Variants in CACNA2D3 observed in about 807,000 individuals in gnomAD.
CACNA2D3 encodes the protein calcium voltage-gated channel auxiliary subunit alpha2delta 3.
A neutral mutation model predicts 160.6 loss-of-function variants in CACNA2D3; 60 were observed. The observed-to-expected ratio is 0.37, with a 90% CI of 0.30 to 0.46. The LOEUF (loss-of-function observed/expected upper bound fraction) is 0.46, where lower values mean the gene tolerates loss of function less well. CACNA2D3 is among the 20% of genes least tolerant of loss of function. CACNA2D3 has a pLI of 1.00. For missense variants in CACNA2D3, 1,205 were observed against 1,365.0 expected, an observed-to-expected ratio of 0.88 and a Z score of 1.85; for synonymous variants, 558 against 492.9, an observed-to-expected ratio of 1.13 and a Z score of -1.75.
chr3:55,057,116 G>A (rs185473607), intron 35 of CACNA2D3, among the ~76,000 whole-genome samples: 5 of 152,212 alleles, frequency 3.3e-5, no homozygotes, highest in Non-Finnish European at 7.4e-5. Flanking sequence ...TCTTTCCTGT[G>A]CCGCTCTCGT....
At chr3:54,659,696 A>C (rs138011677) in intron 11 of CACNA2D3, among the ~76,000 whole-genome samples, 1 of 152,330 alleles carries the variant, frequency 6.6e-6, no homozygotes, top group African/African-American at 2.4e-5. Context: ...TTGGACAGGA[A>C]AGGCTTTCAG....
intron 2 of CACNA2D3, among the ~76,000 whole-genome samples, chr3:54,246,549 C>T (rs984971929): frequency 1.5e-4 from 23 of 151,206 alleles, no homozygotes; most frequent in East Asian, 5.9e-4. Context: ...AAAAATTAGC[C>T]GGGCGTGGTT....
chr3:54,389,909 A>G (rs1163553663), intron 4 of CACNA2D3, among the ~76,000 whole-genome samples: 1 of 152,242 alleles, frequency 6.6e-6, no homozygotes, highest in Non-Finnish European at 1.5e-5. Flanking sequence ...ACAATGCTGT[A>G]TTAATGTTGG....
intron 9 of CACNA2D3, among the ~76,000 whole-genome samples, chr3:54,582,881 A>AC (rs1411875847): frequency 6.6e-6 from 1 of 152,220 alleles, no homozygotes; most frequent in Non-Finnish European, 1.5e-5. Flanking sequence ...CAGTTGGAAC[A>AC]CAAAGTATAA....
At chr3:54,505,320 C>T (rs1175530622) in intron 5 of CACNA2D3, among the ~76,000 whole-genome samples, 1 of 152,164 alleles carries the variant, frequency 6.6e-6, no homozygotes, top group Non-Finnish European at 1.5e-5. Flanking sequence ...AGCCAGGGGA[C>T]AGTGGGAGTG....
intron 10 of CACNA2D3, among the ~76,000 whole-genome samples, chr3:54,637,438 C>A (rs1272544801): frequency 1.3e-5 from 2 of 151,760 alleles, no homozygotes; most frequent in African/African-American, 4.9e-5. Context: ...GGGAAGCAGA[C>A]AATTTAGTTA....
intron 24 of CACNA2D3, among the ~76,000 whole-genome samples, chr3:54,889,442 A>G (rs955942442): frequency 1.3e-5 from 2 of 152,170 alleles, no homozygotes; most frequent in Admixed American, 6.5e-5. Flanking sequence ...GGCTTGCTTC[A>G]GAGGCAAGGT....
intron 2 of CACNA2D3, among the ~76,000 whole-genome samples, chr3:54,134,914 C>T (rs982645205): frequency 6.6e-6 from 1 of 152,240 alleles, no homozygotes; most frequent in Non-Finnish European, 1.5e-5. Context: ...CAGTGCAGGG[C>T]GGGTGCACGA....
rs2106891309 is a variant in CACNA2D3 at position 54,901,261 on chromosome 3, G to T, written c.2449+1393G>T. ...TGACATGGTCTGGCCAGAATATCTG[G>T]TTGTCTGTTTGAAATTTCTTTTTAA... On this transcript the variant is annotated intron_variant, in intron 27 of 37. Transcript: ENST00000474759. The T allele has an allele frequency of 1.3e-5, 2 of 152,308 alleles. 1 individual carries two copies. The highest frequency in any genetic ancestry group is 3.9e-4 in the East Asian group (2 of 5,186). 9.4% of individuals were successfully genotyped at this position (152,308 alleles called of 1,614,324 possible).
At chr3:54,718,433 T>G (rs1406351244) in intron 11 of CACNA2D3, among the ~76,000 whole-genome samples, 2 of 152,166 alleles carry the variant, frequency 1.3e-5, no homozygotes, top group Non-Finnish European at 2.9e-5. Context: ...TTTCTCCATA[T>G]AGTTGATGCA....
intron 2 of CACNA2D3, among the ~76,000 whole-genome samples, chr3:54,229,446 G>C (rs548822710): frequency 1.3e-5 from 2 of 152,186 alleles, no homozygotes; most frequent in African/African-American, 4.8e-5. Context: ...GCCTGCCTTG[G>C]CCTCCCAAAG....
intron 3 of CACNA2D3, among the ~76,000 whole-genome samples, chr3:54,335,863 C>T (rs1704364432): frequency 6.7e-6 from 1 of 149,644 alleles, no homozygotes; most frequent in Non-Finnish European, 1.5e-5. Flanking sequence ...AATTAACCAG[C>T]TGTGGTGGTG....
intron 4 of CACNA2D3, among the ~76,000 whole-genome samples, chr3:54,418,048 G>A (rs550253446): frequency 5.3e-5 from 8 of 152,244 alleles, no homozygotes; most frequent in East Asian, 1.9e-4. Flanking sequence ...TTGGCCTCCC[G>A]AAGTTCCGAA....
chr3:54,905,551 G>A (rs980986460), intron 27 of CACNA2D3, among the ~76,000 whole-genome samples: 3 of 152,192 alleles, frequency 2.0e-5, no homozygotes, highest in African/African-American at 4.8e-5. Context: ...TAAAATCTGA[G>A]CAAAGGAACT....
chr3:54,937,385 T>C (rs1268626098), intron 27 of CACNA2D3, among the ~76,000 whole-genome samples: 2 of 152,168 alleles, frequency 1.3e-5, no homozygotes, highest in Non-Finnish European at 2.9e-5. Flanking sequence ...ATGAGGGGGA[T>C]TGGTTCCAGC....
intron 11 of CACNA2D3, among the ~76,000 whole-genome samples, chr3:54,717,465 C>T (rs371433050): frequency 6.6e-6 from 1 of 152,158 alleles, no homozygotes; most frequent in African/African-American, 2.4e-5. Flanking sequence ...CGTTTGCAAT[C>T]CCAAATGTTC....
chr3:54,735,025 C>G (rs891632551), intron 11 of CACNA2D3, among the ~76,000 whole-genome samples: 1 of 152,196 alleles, frequency 6.6e-6, no homozygotes, highest in South Asian at 2.1e-4. Context: ...TCTGCCCTAG[C>G]GTGGAGACAG....
chr3:54,342,016 A>G (rs1053036840), intron 3 of CACNA2D3, among the ~76,000 whole-genome samples: 3 of 152,176 alleles, frequency 2.0e-5, no homozygotes, highest in Non-Finnish European at 4.4e-5. Context: ...CTATCTCTCC[A>G]TCTCGTAGGT....
At chr3:54,435,780 C>G (rs1700050676) in intron 4 of CACNA2D3, among the ~76,000 whole-genome samples, 1 of 152,164 alleles carries the variant, frequency 6.6e-6, no homozygotes, top group African/African-American at 2.4e-5. Context: ...TTGGAATTAT[C>G]TAACAAGAAT....
Sources: gnomAD v4.1 joint callset for allele counts (sites outside exome capture counted in the v4.1 genomes callset) on GRCh38, gnomAD v4.1.1 for gene constraint, MANE v1.5 for transcripts, NCBI Gene and HGNC (gene_info 2026-07-23, HGNC 2026-07-21) for gene names.